Variants in WDPCP observed in about 807,000 individuals in gnomAD.
WDPCP encodes WD repeat containing planar cell polarity effector, also known as WD repeat-containing and planar cell polarity effector protein fritz homolog.
Under a neutral mutation model 93.1 loss-of-function variants are expected in WDPCP, and 71 were observed. The ratio of observed to expected loss-of-function variants is 0.76; its 90% CI spans 0.63 to 0.93. The LOEUF (loss-of-function observed/expected upper bound fraction) is 0.93, where lower values mean the gene tolerates loss of function less well. Among genes scored for constraint, WDPCP ranks in the 40% least tolerant of loss-of-function variants. The pLI, the probability that WDPCP is intolerant of heterozygous loss-of-function variation, is 0.00. For missense variants in WDPCP, 844 were observed against 887.4 expected, an observed-to-expected ratio of 0.95 and a Z score of 0.62; for synonymous variants, 315 against 315.0, an observed-to-expected ratio of 1.00 and a Z score of 0.00.
chr2:63,195,930 T>A (rs1212475813), intron 14 of WDPCP, among the ~76,000 whole-genome samples: 1 of 152,216 alleles, frequency 6.6e-6, no homozygotes, highest in Non-Finnish European at 1.5e-5. Context: ...GTAGTACACA[T>A]AATGTACTAC....
chr2:63,502,794 TG>T (rs1701634894), intron 1 of WDPCP, among the ~76,000 whole-genome samples: 1 of 149,234 alleles, frequency 6.7e-6, no homozygotes, highest in Non-Finnish European at 1.5e-5. Flanking sequence ...AAAAAAAAAC[TG>T]GGCATAACAT....
At chr2:63,276,686 A>C (rs1215356553) in intron 13 of WDPCP, among the ~76,000 whole-genome samples, 1 of 152,232 alleles carries the variant, frequency 6.6e-6, no homozygotes, top group Non-Finnish European at 1.5e-5. Flanking sequence ...CAAAGAAAAA[A>C]TAATTTATAA....
intron 9 of WDPCP, among the ~76,000 whole-genome samples, chr2:63,430,888 T>A (rs1294731190): frequency 6.6e-6 from 1 of 152,168 alleles, no homozygotes; most frequent in Non-Finnish European, 1.5e-5. Flanking sequence ...CTAAAATATA[T>A]GTGTGGACTG....
chr2:63,742,206 T>TA (rs1292287414), intron 2 of WDPCP, among the ~76,000 whole-genome samples: 1 of 149,420 alleles, frequency 6.7e-6, no homozygotes, highest in Non-Finnish European at 1.5e-5. Flanking sequence ...GTTCTTTCTG[T>TA]AAAAAGATAA....
chr2:63,342,644 A>C (rs931511124), intron 12 of WDPCP, among the ~76,000 whole-genome samples: 22 of 152,188 alleles, frequency 1.4e-4, no homozygotes, highest in Admixed American at 1.0e-3. Context: ...TTGCTTCTCT[A>C]TAGCTCTATC....
At position 63,536,773 on chromosome 2, in the gene WDPCP, C is replaced by CTT. The variant is rs58661370; in HGVS notation, c.76-43835_76-43834dup. Among the ~76,000 whole-genome samples, 10 of 93,612 alleles carry CTT rather than the reference C, an allele frequency of 1.1e-4. 1 individual carries two copies. Among genetic ancestry groups the CTT allele is most frequent in the Non-Finnish European group, 1.5e-4 (8 of 52,590 alleles). 61.4% of individuals were successfully genotyped at this position (93,612 alleles called of 152,430 possible). ...TGGTAAAAATCTCAGATTCTTCATGCTTTTTTTTTTTTTTTTGATGGAATC... is the reference window on the plus strand; with the variant it reads ...TGGTAAAAATCTCAGATTCTTCATGCTTTTTTTTTTTTTTTTTTGATGGAATC... On this transcript the variant is annotated intron_variant, in intron 1 of 17. Transcript: ENST00000272321.
intron 3 of WDPCP, among the ~76,000 whole-genome samples, chr2:63,638,788 C>T (rs897538611): frequency 7.8e-5 from 11 of 141,436 alleles, no homozygotes; most frequent in Admixed American, 5.0e-4. Flanking sequence ...GCTTCTGTCT[C>T]GAAAAAAAGA....
intron 14 of WDPCP, chr2:63,228,291 T>C (rs952161964): frequency 2.6e-5 from 4 of 151,872 alleles, no homozygotes; most frequent in Non-Finnish European, 4.4e-5. Context: ...AAAAAATCCT[T>C]ACACCTAACT....
At chr2:63,131,749 C>G (rs1053179363) in intron 17 of WDPCP, among the ~76,000 whole-genome samples, 1 of 150,990 alleles carries the variant, frequency 6.6e-6, no homozygotes, top group Non-Finnish European at 1.5e-5. Flanking sequence ...TAGGGAACAT[C>G]TAGTGGTGTT....
chr2:63,410,356 C>T (rs1440355631), intron 9 of WDPCP, among the ~76,000 whole-genome samples: 1 of 152,188 alleles, frequency 6.6e-6, no homozygotes, highest in Non-Finnish European at 1.5e-5. Flanking sequence ...ACTACAAGAA[C>T]TGCTAAAAGG....
chr2:63,798,858 G>A (rs1435690520), intron 2 of WDPCP, among the ~76,000 whole-genome samples: 1 of 151,960 alleles, frequency 6.6e-6, no homozygotes, highest in African/African-American at 2.4e-5. Context: ...GACACACAGA[G>A]GCTGAAAATA....
intron 1 of WDPCP, chr2:63,571,635 G>T (rs1012833265): frequency 2.1e-6 from 1 of 471,010 alleles, no homozygotes; most frequent in Non-Finnish European, 4.4e-6. Context: ...TTCTGTAAAA[G>T]GATTAGTTCA....
chr2:63,206,082 A>G (rs942201023), intron 14 of WDPCP, among the ~76,000 whole-genome samples: 10 of 152,222 alleles, frequency 6.6e-5, no homozygotes, highest in African/African-American at 1.9e-4. Context: ...GAAAATGATC[A>G]TACGGCTTTT....
chr2:63,714,397 A>G (rs1014737503), intron 2 of WDPCP, among the ~76,000 whole-genome samples: 1 of 151,980 alleles, frequency 6.6e-6, no homozygotes, highest in African/African-American at 2.4e-5. Context: ...AATCCTCCTC[A>G]GGTTCAGGGG....
chr2:63,342,237 C>A (rs965485051), intron 12 of WDPCP, among the ~76,000 whole-genome samples: 2 of 152,148 alleles, frequency 1.3e-5, no homozygotes, highest in African/African-American at 4.8e-5. Flanking sequence ...TGCTGTGTGG[C>A]CTGGTTCCTA....
At chr2:63,321,221 G>A in intron 12 of WDPCP, among the ~76,000 whole-genome samples, 1 of 151,628 alleles carries the variant, frequency 6.6e-6, no homozygotes, top group Non-Finnish European at 1.5e-5. Context: ...ATAAACAAAT[G>A]GAAAGTTAAA....
chr2:63,536,026 A>C (rs1704249463), intron 1 of WDPCP, among the ~76,000 whole-genome samples: 1 of 152,224 alleles, frequency 6.6e-6, no homozygotes, highest in South Asian at 2.1e-4. Context: ...GAAAAAGTCA[A>C]ACAATCCCAT....
intron 2 of WDPCP, among the ~76,000 whole-genome samples, chr2:63,750,580 C>T (rs1467103101): frequency 6.6e-6 from 1 of 152,088 alleles, no homozygotes; most frequent in Non-Finnish European, 1.5e-5. Context: ...CTCTTGGTTA[C>T]TGATCTGAGG....
intron 17 of WDPCP, among the ~76,000 whole-genome samples, chr2:63,125,754 G>A (rs545600890): frequency 4.6e-5 from 7 of 151,968 alleles, no homozygotes; most frequent in African/African-American, 7.2e-5. Flanking sequence ...GACTACAGGC[G>A]CACGTCACCA....
Sources: gnomAD v4.1 joint callset for allele counts (sites outside exome capture counted in the v4.1 genomes callset) on GRCh38, gnomAD v4.1.1 for gene constraint, MANE v1.5 for transcripts, NCBI Gene and HGNC (gene_info 2026-07-23, HGNC 2026-07-21) for gene names.